Variants in COL19A1 observed in about 807,000 individuals in gnomAD.
The protein encoded by COL19A1 is collagen type XIX alpha 1 chain.
A neutral mutation model predicts 190.2 loss-of-function variants in COL19A1; 159 were observed. That is an observed-to-expected ratio of 0.84 (90% CI 0.73 to 0.95). The LOEUF (loss-of-function observed/expected upper bound fraction) is 0.95. Among genes scored for constraint, COL19A1 ranks in the 40% least tolerant of loss-of-function variants. COL19A1 has a pLI of 0.00. For missense variants in COL19A1, 1,418 were observed against 1,431.9 expected (o/e 0.99, Z 0.16); for synonymous variants, 509 against 458.9 (o/e 1.11, Z -1.39).
At chr6:69,903,231 G>A (rs1241550012) in intron 4 of COL19A1, among the ~76,000 whole-genome samples, 1 of 152,118 alleles carries the variant, frequency 6.6e-6, no homozygotes, top group African/African-American at 2.4e-5. Flanking sequence ...GCTGGACTGC[G>A]GCAGCAATCA....
At chr6:70,138,230 C>A (rs1315673358) in intron 19 of COL19A1, among the ~76,000 whole-genome samples, 3 of 152,150 alleles carry the variant, frequency 2.0e-5, no homozygotes. Flanking sequence ...TCTCAGTGTA[C>A]CTTCTGAAGT....
At chr6:69,949,854 G>A (rs1215498029) in intron 9 of COL19A1, among the ~76,000 whole-genome samples, 2 of 151,720 alleles carry the variant, frequency 1.3e-5, no homozygotes, top group Non-Finnish European at 2.9e-5. Context: ...TAAATAACTA[G>A]GTTGAATTGT....
At chr6:69,919,377 T>G (rs1771545412) in intron 4 of COL19A1, among the ~76,000 whole-genome samples, 1 of 152,216 alleles carries the variant, frequency 6.6e-6, no homozygotes, top group Non-Finnish European at 1.5e-5. Flanking sequence ...TTAGGTGTTT[T>G]GGCTTGTTAA....
intron 11 of COL19A1, among the ~76,000 whole-genome samples, chr6:69,964,871 C>G (rs1186818117): frequency 6.6e-6 from 1 of 152,098 alleles, no homozygotes; most frequent in African/African-American, 2.4e-5. Context: ...TTACACCAAC[C>G]AAGTAAAAAT....
At chr6:70,105,467 T>C (rs1408461135) in intron 16 of COL19A1, among the ~76,000 whole-genome samples, 2 of 152,190 alleles carry the variant, frequency 1.3e-5, no homozygotes, top group African/African-American at 4.8e-5. Flanking sequence ...GTATTCACTA[T>C]TTTTAAAGTA....
chr6:69,951,090 C>T (rs1774100122), intron 9 of COL19A1, among the ~76,000 whole-genome samples: 1 of 151,772 alleles, frequency 6.6e-6, no homozygotes, highest in South Asian at 2.1e-4. Context: ...AAAACTTTTA[C>T]TAAGTTAATT....
chr6:69,876,758 TTA>T (rs368295365), intron 1 of COL19A1, among the ~76,000 whole-genome samples: 88 of 152,314 alleles, frequency 5.8e-4, no homozygotes, highest in Non-Finnish European at 1.1e-3. Context: ...AGATCAATAT[TTA>T]TGAGTTCCTT....
intron 2 of COL19A1, among the ~76,000 whole-genome samples, chr6:69,891,888 T>C (rs1203407783): frequency 1.3e-5 from 2 of 152,180 alleles, no homozygotes; most frequent in African/African-American, 4.8e-5. Flanking sequence ...TGCCTCTGGA[T>C]CCCTAAGATC....
intron 44 of COL19A1, among the ~76,000 whole-genome samples, chr6:70,182,870 G>A (rs1314601785): frequency 1.3e-5 from 2 of 152,160 alleles, no homozygotes; most frequent in Non-Finnish European, 2.9e-5. Context: ...ATACTCACAA[G>A]TGGGAATTGG....
intron 14 of COL19A1, among the ~76,000 whole-genome samples, chr6:70,050,068 T>C (rs12204286): frequency 0.34 from 51,376 of 151,958 alleles, 10,310 homozygotes; most frequent in Non-Finnish European, 0.45. Flanking sequence ...CTACCTGAGT[T>C]TGAACCTAAC....
At chr6:70,145,111 CA>C in intron 25 of COL19A1, 104 bp downstream of exon 25, 15 of 844,584 alleles carry the variant, frequency 1.8e-5, no homozygotes, top group South Asian at 3.2e-5. Flanking sequence ...TTTAGGTCTG[CA>C]AAAAAAGGAA....
chr6:70,117,603 G>C (rs952689884), intron 16 of COL19A1, among the ~76,000 whole-genome samples: 1 of 152,098 alleles, frequency 6.6e-6, no homozygotes, highest in Admixed American at 6.5e-5. Flanking sequence ...ACGACATCAG[G>C]ATCTCTATCC....
chr6:70,191,507 A>G (rs999266837), intron 48 of COL19A1, among the ~76,000 whole-genome samples: 4 of 152,178 alleles, frequency 2.6e-5, no homozygotes, highest in African/African-American at 4.8e-5. Flanking sequence ...AATGTTGACT[A>G]AAAAAGCCAA....
chr6:70,055,349 A>G lies in COL19A1; in HGVS notation c.1171-13074A>G, dbSNP rs193065952. Among the ~76,000 whole-genome samples the G allele has an allele frequency of 1.2e-4, 18 of 152,256 alleles. No homozygotes were observed. In the East Asian group the frequency reaches 3.3e-3, roughly 28 times the overall value. On this transcript the variant is annotated intron_variant, in intron 14 of 50. Coordinates refer to ENST00000620364, the MANE Select transcript of COL19A1 (RefSeq NM_001858.6). The stretch of plus-strand genomic sequence containing the variant: ...TCACTCTAGGCTCATTCATTTATAA[A>G]ATTACACATGTACCAGGTTGTTCAT...
At chr6:70,074,239 C>T (rs1229379666) in intron 15 of COL19A1, among the ~76,000 whole-genome samples, 1 of 152,062 alleles carries the variant, frequency 6.6e-6, no homozygotes, top group Non-Finnish European at 1.5e-5. Context: ...TGGCTCATGT[C>T]TGTAATCCCA....
chr6:69,980,329 A>T (rs1185594133), intron 11 of COL19A1, among the ~76,000 whole-genome samples: 1 of 152,108 alleles, frequency 6.6e-6, no homozygotes, highest in African/African-American at 2.4e-5. Context: ...AGTTGAAAGG[A>T]TGGGTTATTC....
intron 34 of COL19A1, among the ~76,000 whole-genome samples, chr6:70,160,847 G>A (rs913389776): frequency 6.6e-6 from 1 of 152,012 alleles, no homozygotes; most frequent in Non-Finnish European, 1.5e-5. Flanking sequence ...TAAAAATTTA[G>A]ACCCTGTGCT....
chr6:70,165,919 T>C (rs1375554882), intron 36 of COL19A1, 22 bp from the exon 37 acceptor site: 2 of 1,612,432 alleles, frequency 1.2e-6, no homozygotes, highest in Non-Finnish European at 1.7e-6. Flanking sequence ...ACGCCGCTGA[T>C]ATGTCTATAT....
At chr6:70,093,642 G>A (rs1381304474) in intron 15 of COL19A1, among the ~76,000 whole-genome samples, 1 of 152,082 alleles carries the variant, frequency 6.6e-6, no homozygotes, top group African/African-American at 2.4e-5. Context: ...ATCTGACTTG[G>A]TAGTGAGAAG....
Sources: gnomAD v4.1 joint callset for allele counts (sites outside exome capture counted in the v4.1 genomes callset) on GRCh38, gnomAD v4.1.1 for gene constraint, MANE v1.5 for transcripts, NCBI Gene and HGNC (gene_info 2026-07-23, HGNC 2026-07-21) for gene names.